ZNF567: variants seen among roughly 807,000 people sequenced by gnomAD.
The protein encoded by ZNF567 is zinc finger protein 567.
ZNF567 carries 36 observed loss-of-function variants against 53.9 expected under a neutral mutation model. The observed-to-expected ratio is 0.67, with a 90% CI of 0.51 to 0.88. ZNF567 has a LOEUF of 0.88. Ranked by LOEUF, ZNF567 falls within the 40% of genes least tolerant of loss-of-function variation. The pLI is 0.00. For missense variants in ZNF567, 619 were observed against 764.7 expected (o/e 0.81, Z 2.25); for synonymous variants, 224 against 260.4 (o/e 0.86, Z 1.35).
At chr19:36,705,657 G>A (rs1319724384) in intron 3 of ZNF567, among the ~76,000 whole-genome samples, 2 of 151,998 alleles carry the variant, frequency 1.3e-5, no homozygotes, top group African/African-American at 4.8e-5. Context: ...GTTATTGGGT[G>A]TACCCTGTAA....
At position 36,719,488 on chromosome 19, in the gene ZNF567, G is replaced by A. The variant is rs1371738154; in HGVS notation, c.764G>A (p.Cys255Tyr). 1 of 1,611,804 alleles carries A rather than the reference G, an allele frequency of 6.2e-7. No individual in the cohort carries two copies. Among genetic ancestry groups the A allele is most frequent in the Non-Finnish European group, 8.5e-7 (1 of 1,179,294 alleles). Reference protein sequence around the residue: ...RATNIEKKHTCNECGKSFCRK... With the variant: ...RATNIEKKHTYNECGKSFCRK... ...ACCAATATTGAAAAAAAACATACAT[G>A]CAATGAATGTGGGAAATCTTTCTGC... Residue 255 changes from cysteine to tyrosine, a missense_variant, in exon 6 of 6, where the codon TGC (cysteine) becomes TAC (tyrosine). Physicochemically the swap from Cys to Tyr is radical, Grantham distance 194. Coordinates refer to ENST00000682579, the MANE Select transcript of ZNF567 (RefSeq NM_001322917.1).
At chr19:36,683,704 G>A (rs188658054), upstream of ZNF567, among the ~76,000 whole-genome samples, 830 of 152,104 alleles carry the variant, frequency 5.5e-3, 23 homozygotes, top group Admixed American at 0.037. Flanking sequence ...GGTGACATGC[G>A]CCTTGTAGTC....
At chr19:36,710,596 A>G (rs917944888) in intron 3 of ZNF567, among the ~76,000 whole-genome samples, 3 of 152,134 alleles carry the variant, frequency 2.0e-5, no homozygotes, top group African/African-American at 7.2e-5. Flanking sequence ...TAGTTCTTCA[A>G]GCTTCTAGCT....
chr19:36,681,761 A>C, the ZNF567 span, among the ~76,000 whole-genome samples: 1 of 150,834 alleles, frequency 6.6e-6, no homozygotes, highest in East Asian at 1.9e-4. Flanking sequence ...TTAATTGGGA[A>C]TTGTTATAGA....
Position 36,712,382 on chromosome 19 carries a change from C to T in ZNF567, c.10-4C>T, listed in dbSNP as rs574524057. 9.9e-6 allele frequency: 16 copies of T among 1,613,140 alleles called. No homozygotes were observed. The highest frequency in any genetic ancestry group is 3.3e-4 in the Middle Eastern group (2 of 6,054). ...TGTTCTGATTACAGTTCCATCCATTCTAGGGATCAGTGTCTTTCAATGATG... is the reference window on the plus strand; with the variant it reads ...TGTTCTGATTACAGTTCCATCCATTTTAGGGATCAGTGTCTTTCAATGATG... On this transcript the variant is annotated splice_polypyrimidine_tract_variant and splice_region_variant and intron_variant, in intron 3 of 5. Coordinates refer to ENST00000682579, the MANE Select transcript of ZNF567 (RefSeq NM_001322917.1).
intron 2 of ZNF567, among the ~76,000 whole-genome samples, chr19:36,689,975 G>C (rs1187942655): frequency 6.6e-6 from 1 of 152,162 alleles, no homozygotes; most frequent in Admixed American, 6.5e-5. Context: ...TTTAATGATA[G>C]CAAAATTTTA....
At chr19:36,721,786 C>T (rs569388438), downstream of ZNF567, among the ~76,000 whole-genome samples, 1 of 131,714 alleles carries the variant, frequency 7.6e-6, no homozygotes, top group East Asian at 2.5e-4. Flanking sequence ...GCTCTGTTGC[C>T]CAGGCTGGAA....
At chr19:36,725,972 ATTTT>A (rs34891706), downstream of ZNF567, among the ~76,000 whole-genome samples, 94,712 of 151,414 alleles carry the variant, frequency 0.63, 29,675 homozygotes, top group East Asian at 0.8. Context: ...TTTTCATGTT[ATTTT>A]TTTCAGTGTA....
At chr19:36,667,909 A>T in the ZNF567 span, among the ~76,000 whole-genome samples, 1 of 151,734 alleles carries the variant, frequency 6.6e-6, no homozygotes, top group African/African-American at 2.4e-5. Flanking sequence ...TCGGCCTCCC[A>T]AAGTGCTGGA....
At chr19:36,712,325 G>A in intron 3 of ZNF567, 61 bp from the exon 4 acceptor site, 3 of 1,552,898 alleles carry the variant, frequency 1.9e-6, no homozygotes, top group Non-Finnish European at 2.6e-6. Context: ...TGGGATTACA[G>A]GCATGAACCA....
intron 3 of ZNF567, among the ~76,000 whole-genome samples, chr19:36,696,221 C>T (rs1221717863): frequency 1.3e-5 from 2 of 152,176 alleles, no homozygotes; most frequent in Non-Finnish European, 2.9e-5. Flanking sequence ...TTCAAAGACA[C>T]TACTCTTTCT....
chr19:36,678,512 T>G, the ZNF567 span, among the ~76,000 whole-genome samples: 1 of 152,064 alleles, frequency 6.6e-6, no homozygotes. Context: ...GGGCTAATAT[T>G]CAAAATGTAA....
At chr19:36,694,753 G>A (rs2038790689) in intron 2 of ZNF567, 49 bp from the exon 3 acceptor site, 1 of 881,564 alleles carries the variant, frequency 1.1e-6, no homozygotes. Flanking sequence ...GAGCTGTGAG[G>A]CACATGTGGT....
At chr19:36,723,456 A>G, downstream of ZNF567, 2 of 522,110 alleles carry the variant, frequency 3.8e-6, no homozygotes, top group South Asian at 5.5e-5. Flanking sequence ...CAAACATACT[A>G]CATATATTCA....
chr19:36,720,456 C>A lies in ZNF567; in HGVS notation c.1732C>A (p.His578Asn), dbSNP rs751326612. ...CTTTAGCAGGAAGTCATATCTCATT[C>A]ATCATCAAAGAACTCATACGGGAGA... ...KAFSRKSYLI[H>N]HQRTHTGEKP... The change falls in exon 6 of 6, where the codon CAT becomes AAT. Residue 578 changes from histidine (H) to asparagine (N), a missense_variant. Coordinates refer to ENST00000682579, the MANE Select transcript of ZNF567 (RefSeq NM_001322917.1). The A allele has an allele frequency of 1.9e-6, 3 of 1,613,916 alleles. No individual in the cohort carries two copies. The highest frequency in any genetic ancestry group is 2.5e-6 in the Non-Finnish European group (3 of 1,179,988).
chr19:36,683,314 C>T (rs1367916650), upstream of ZNF567, among the ~76,000 whole-genome samples: 2 of 152,044 alleles, frequency 1.3e-5, no homozygotes, highest in African/African-American at 4.8e-5. Context: ...TCAAGTGTTC[C>T]ACCCGTCTCA....
chr19:36,702,250 GC>G (rs1363560630), intron 3 of ZNF567, among the ~76,000 whole-genome samples: 1 of 152,028 alleles, frequency 6.6e-6, no homozygotes. Flanking sequence ...TTGAATATTG[GC>G]CCCCACTGTC....
intron 2 of ZNF567, among the ~76,000 whole-genome samples, chr19:36,692,697 C>T (rs555764702): frequency 6.6e-6 from 1 of 152,268 alleles, no homozygotes; most frequent in Non-Finnish European, 1.5e-5. Flanking sequence ...TGATTTTGAC[C>T]ATATGCTATG....
At position 36,705,192 on chromosome 19, in the gene ZNF567, T is replaced by C. The variant is rs3108178; in HGVS notation, c.10-7194T>C. The stretch of plus-strand genomic sequence containing the variant: ...TTCTTCTAGTATTTTTGTTACCTCA[T>C]TTCTCCTCTTTTATTTTGTATTTCC... On this transcript the variant is annotated intron_variant, in intron 3 of 5. Coordinates refer to ENST00000682579, the MANE Select transcript of ZNF567 (RefSeq NM_001322917.1). 4.4e-3 allele frequency among the ~76,000 whole-genome samples: 676 copies of C among 152,236 alleles called. 9 individuals are homozygous for C. Among genetic ancestry groups the C allele is most frequent in the African/African-American group, 0.015 (640 of 41,562 alleles).
Sources: allele counts gnomAD v4.1 joint callset (sites outside exome capture counted in the v4.1 genomes callset), GRCh38; gene constraint gnomAD v4.1.1; transcripts MANE v1.5; gene names NCBI Gene and HGNC (gene_info 2026-07-23, HGNC 2026-07-21).